Variants in ASZ1 observed in about 807,000 individuals in gnomAD.
ASZ1 encodes ankyrin repeat, SAM and basic leucine zipper domain containing 1.
ASZ1 carries 67 observed loss-of-function variants against 61.8 expected under a neutral mutation model. The observed-to-expected ratio is 1.08, with a 90% CI of 0.89 to 1.33. ASZ1 has a LOEUF of 1.33. Among genes scored for constraint, ASZ1 ranks in the 40% most tolerant of loss-of-function variants. The pLI is 0.00. For synonymous variants in ASZ1, 193 were observed against 192.7 expected (o/e 1.00, Z -0.01); for missense variants, 577 against 554.5 (o/e 1.04, Z -0.41).
Position 117,385,623 on chromosome 7 carries a change from C to T in ASZ1, c.552+75G>A, listed in dbSNP as rs1346872197. ...TATTCCAGCCCTTTTGTAATTATTACTTCTTAAAATTCTTTTTTTGTAGAT... is the reference window on the plus strand; with the variant it reads ...TATTCCAGCCCTTTTGTAATTATTATTTCTTAAAATTCTTTTTTTGTAGAT... On this transcript the variant is annotated intron_variant, in intron 5 of 12. Transcript: ENST00000284629. 7 of 1,220,080 alleles carry T rather than the reference C, an allele frequency of 5.7e-6. No individual in the cohort carries two copies. The East Asian group carries it at 9.9e-5, about 17-fold the overall frequency. 75.6% of individuals were successfully genotyped at this position (1,220,080 alleles called of 1,614,324 possible).
At chr7:117,406,800 C>A (rs550885895) in intron 4 of ASZ1, among the ~76,000 whole-genome samples, 3 of 151,660 alleles carry the variant, frequency 2.0e-5, no homozygotes, top group African/African-American at 7.3e-5. Flanking sequence ...ACAACAATAG[C>A]ACAAATACAG....
At chr7:117,406,442 G>C (rs544499563) in intron 4 of ASZ1, among the ~76,000 whole-genome samples, 1 of 152,256 alleles carries the variant, frequency 6.6e-6, no homozygotes, top group South Asian at 2.1e-4. Flanking sequence ...ATAATTGATA[G>C]CAATACTAAA....
chr7:117,422,727 C>T (rs1797123002), intron 2 of ASZ1, among the ~76,000 whole-genome samples: 1 of 152,142 alleles, frequency 6.6e-6, no homozygotes, highest in African/African-American at 2.4e-5. Flanking sequence ...TGGGCAATAT[C>T]AGTTATCTCT....
At chr7:117,403,872 A>G (rs111417423) in intron 4 of ASZ1, among the ~76,000 whole-genome samples, 3 of 152,300 alleles carry the variant, frequency 2.0e-5, no homozygotes, top group Non-Finnish European at 2.9e-5. Context: ...ACTTCCCATC[A>G]GATCAGTGGT....
At chr7:117,384,593 A>C (rs903888405) in intron 6 of ASZ1, 133 bp downstream of exon 6, 1 of 1,050,570 alleles carries the variant, frequency 9.5e-7, no homozygotes, top group East Asian at 3.0e-5. Context: ...GAGGAAAGAT[A>C]CATATTTAAA....
chr7:117,380,263 AT>A (rs1223522281), intron 9 of ASZ1, among the ~76,000 whole-genome samples: 2 of 151,746 alleles, frequency 1.3e-5, no homozygotes, highest in Admixed American at 6.6e-5. Context: ...ACTATAGTCA[AT>A]TTTTTTGCAA....
intron 9 of ASZ1, 114 bp downstream of exon 9, chr7:117,380,897 T>G: frequency 4.4e-6 from 4 of 904,846 alleles, no homozygotes; most frequent in South Asian, 3.0e-5. Flanking sequence ...AAGGACACAG[T>G]AGAAGATCAA....
At chr7:117,408,734 C>A (rs1312852903) in intron 4 of ASZ1, among the ~76,000 whole-genome samples, 1 of 151,798 alleles carries the variant, frequency 6.6e-6, no homozygotes, top group Middle Eastern at 3.2e-3. Context: ...ACATGCTGAG[C>A]AAAAGAATTC....
At chr7:117,379,787 T>C (rs929995387) in intron 10 of ASZ1, 151 bp downstream of exon 10, 2 of 481,996 alleles carry the variant, frequency 4.1e-6, no homozygotes, top group Admixed American at 3.8e-5. Flanking sequence ...ACAAAGTACA[T>C]CTAATTTCAG....
intron 10 of ASZ1, among the ~76,000 whole-genome samples, chr7:117,373,903 A>G (rs910831265): frequency 6.6e-6 from 1 of 152,148 alleles, no homozygotes; most frequent in Non-Finnish European, 1.5e-5. Flanking sequence ...CATAGAAACA[A>G]TAATGAAAAA....
chr7:117,382,419 A>T (rs1293901388), intron 7 of ASZ1, among the ~76,000 whole-genome samples: 1 of 152,074 alleles, frequency 6.6e-6, no homozygotes, highest in Non-Finnish European at 1.5e-5. Context: ...TCAGCCTGGT[A>T]CAGTAGCATA....
intron 4 of ASZ1, among the ~76,000 whole-genome samples, chr7:117,387,342 A>G (rs1202221144): frequency 6.6e-6 from 1 of 150,722 alleles, no homozygotes; most frequent in East Asian, 1.9e-4. Flanking sequence ...CAACAACAAC[A>G]ACAACGCCAC....
chr7:117,368,532 T>C, intron 11 of ASZ1, 80 bp downstream of exon 11: 1 of 1,536,520 alleles, frequency 6.5e-7, no homozygotes, highest in Non-Finnish European at 8.7e-7. Flanking sequence ...ATCAATACTA[T>C]TTATTGAATT....
Position 117,363,236 on chromosome 7 carries a change from A to G in ASZ1, c.*360T>C, listed in dbSNP as rs1190405395. On this transcript the variant is annotated 3_prime_UTR_variant, in exon 13 of 13. Transcript: ENST00000284629. ...AATGGAGGGGGAAAAAAGAAACAAA[A>G]GAAAGCTCAATTTATGAACACTTTA... The G allele has an allele frequency of 6.5e-6, 1 of 154,150 alleles. No homozygotes were observed. Among genetic ancestry groups the G allele is most frequent in the Non-Finnish European group, 1.4e-5 (1 of 69,364 alleles). The allele number at this position is 154,150 out of a possible 1,614,324, so 9.5% of individuals were successfully genotyped here.
intron 10 of ASZ1, among the ~76,000 whole-genome samples, chr7:117,379,294 A>G (rs1006361075): frequency 6.6e-6 from 1 of 151,240 alleles, no homozygotes; most frequent in Non-Finnish European, 1.5e-5. Flanking sequence ...AAAGATACCA[A>G]TACTGGGCAA....
intron 12 of ASZ1, 22 bp from the exon 13 acceptor site, chr7:117,363,770 G>GTTGTACTAC: frequency 6.5e-7 from 1 of 1,533,274 alleles, no homozygotes; most frequent in Non-Finnish European, 8.8e-7. Flanking sequence ...TATGGAAAAA[G>GTTGTACTAC]AAAAGAGGAG....
chr7:117,418,289 C>A (rs1344110740), intron 4 of ASZ1, among the ~76,000 whole-genome samples: 1 of 152,150 alleles, frequency 6.6e-6, no homozygotes, highest in Admixed American at 6.6e-5. Context: ...TGTCCTAATT[C>A]CAAGGTATAA....
intron 4 of ASZ1, among the ~76,000 whole-genome samples, chr7:117,419,784 T>C (rs1354820331): frequency 2.0e-5 from 3 of 152,182 alleles, no homozygotes; most frequent in Non-Finnish European, 4.4e-5. Context: ...AATGGATATA[T>C]TTTCTTAGTA....
Position 117,427,467 on chromosome 7 carries a change from C to T in ASZ1, c.-7G>A, listed in dbSNP as rs777956350. On this transcript the variant is annotated 5_prime_UTR_variant, in exon 1 of 13. Transcript: ENST00000284629. ...GCAGCGCGCTCGCCGCCATGCCAGC[C>T]AAGGAAGCTCCCTGTCGGCACCGCG... 3.1e-6 allele frequency: 5 copies of T among 1,613,688 alleles called. No homozygotes were observed. The South Asian group carries it at 3.3e-5, about 11-fold the overall frequency.
Sources: gnomAD v4.1 joint callset for allele counts (sites outside exome capture counted in the v4.1 genomes callset) on GRCh38, gnomAD v4.1.1 for gene constraint, MANE v1.5 for transcripts, NCBI Gene and HGNC (gene_info 2026-07-23, HGNC 2026-07-21) for gene names.